The following FARSB variants were observed in gnomAD, a reference collection of about 807,000 sequenced individuals.
The protein encoded by FARSB is phenylalanyl-tRNA synthetase subunit beta.
FARSB carries 40 observed loss-of-function variants against 69.6 expected under a neutral mutation model. The ratio of observed to expected loss-of-function variants is 0.57; its 90% CI spans 0.45 to 0.75. The LOEUF is 0.75. FARSB is among the 30% of genes least tolerant of loss of function. The probability of loss-of-function intolerance (pLI) is 0.00; values close to 1 mark genes in which losing one functional copy is unlikely to be tolerated. For missense variants in FARSB, 632 were observed against 722.9 expected (o/e 0.87, Z 1.44); for synonymous variants, 235 against 247.2 (o/e 0.95, Z 0.46).
At chr2:222,650,569 C>T (rs1353145998) in intron 1 of FARSB, among the ~76,000 whole-genome samples, 1 of 152,078 alleles carries the variant, frequency 6.6e-6, no homozygotes, top group Non-Finnish European at 1.5e-5. Context: ...AAGATGACTC[C>T]CCGATCTCTG....
At chr2:222,641,075 TA>T (rs757997052) in intron 3 of FARSB, 144 bp from the exon 4 acceptor site, 13,464 of 267,650 alleles carry the variant, frequency 0.05, 1 homozygote, top group East Asian at 0.073. Context: ...GGCTGAACAC[TA>T]AAAAAAAAAA....
chr2:222,575,454 A>T lies in FARSB; in HGVS notation c.1619-3432T>A, dbSNP rs1436547155. Among the ~76,000 whole-genome samples the T allele has an allele frequency of 3.3e-5, 5 of 152,384 alleles. No individual in the cohort carries two copies. In the East Asian group the frequency reaches 9.6e-4, roughly 29 times the overall value. On this transcript the variant is annotated intron_variant, in intron 16 of 16. Coordinates refer to ENST00000281828, the MANE Select transcript of FARSB (RefSeq NM_005687.5). Reference sequence around the variant, plus strand: ...TGTGAAATGGGAATTCTAAAATTCAAATTCTATAAAGTACATTAGTTTTCT... The same window carrying T: ...TGTGAAATGGGAATTCTAAAATTCATATTCTATAAAGTACATTAGTTTTCT...
chr2:222,600,115 G>GT (rs1351369356), intron 15 of FARSB, 32 bp from the exon 16 acceptor site: 1 of 1,551,718 alleles, frequency 6.4e-7, no homozygotes, highest in Non-Finnish European at 8.7e-7. Flanking sequence ...TCACAACGCT[G>GT]TATTAACCAT....
chr2:222,621,762 A>T lies in FARSB; in HGVS notation c.1251+1888T>A, dbSNP rs185139809. ...TAGAAAGTCAGAGACTAGGCTTAAA[A>T]AAATGGCTGTTACTCTTGTGCAAAA... On this transcript the variant is annotated intron_variant, in intron 13 of 16. Transcript: ENST00000281828. Among the ~76,000 whole-genome samples, 599 of 152,370 alleles carry T rather than the reference A, an allele frequency of 3.9e-3. 5 individuals are homozygous for T. Among genetic ancestry groups the T allele is most frequent in the Middle Eastern group, 0.01 (3 of 294 alleles).
chr2:222,586,703 G>C (rs1354365977), intron 16 of FARSB, among the ~76,000 whole-genome samples: 2 of 152,126 alleles, frequency 1.3e-5, no homozygotes, highest in East Asian at 1.9e-4. Flanking sequence ...AGCAGGTTTT[G>C]CAATCCTAGT....
rs1431711935 is a variant in FARSB at position 222,570,403 on chromosome 2, TAC to T, written c.*1466_*1467del. 2 of 152,248 alleles carry T rather than the reference TAC, an allele frequency of 1.3e-5. No individual in the cohort carries two copies. Among genetic ancestry groups the T allele is most frequent in the Non-Finnish European group, 2.9e-5 (2 of 68,036 alleles). The allele number at this position is 152,248 out of a possible 1,614,324, so 9.4% of individuals were successfully genotyped here. A position where few individuals can be genotyped will look rare whatever the true frequency, so the allele number is the denominator to read the frequency against. On this transcript the variant is annotated 3_prime_UTR_variant, in exon 17 of 17. Transcript: ENST00000281828. ...TGGAAGTGTGTGTGTTCACAAATCT[TAC>T]AGAGTTAGACACTGCTGCCCCAATT... is the stretch of plus-strand genomic sequence containing the variant.
In FARSB at chr2:222,624,255, T is replaced by C. The variant is rs761761973; in HGVS notation, c.1170+17A>G. On this transcript the variant is annotated intron_variant, in intron 12 of 16. Coordinates refer to ENST00000281828, the MANE Select transcript of FARSB (RefSeq NM_005687.5). ...TTTCTAACAATAAGGAGTGTTTATT[T>C]AAGGGTGCAATCTTACTTGATTAGC... is the stretch of plus-strand genomic sequence containing the variant. 6 of 1,512,210 alleles carry C rather than the reference T, an allele frequency of 4.0e-6. No homozygotes were observed. Among genetic ancestry groups the C allele is most frequent in the Non-Finnish European group, 5.5e-6 (6 of 1,088,722 alleles). The allele number at this position is 1,512,210 out of a possible 1,614,324, so 93.7% of individuals were successfully genotyped here. A position where few individuals can be genotyped will look rare whatever the true frequency, so the allele number is the denominator to read the frequency against.
chr2:222,572,728 T>C (rs1197281073), intron 16 of FARSB, among the ~76,000 whole-genome samples: 1 of 152,186 alleles, frequency 6.6e-6, no homozygotes, highest in Non-Finnish European at 1.5e-5. Flanking sequence ...AGGCAGAAAG[T>C]TCTCTTTATC....
At chr2:222,615,617 C>T (rs1690976633) in intron 14 of FARSB, among the ~76,000 whole-genome samples, 1 of 152,186 alleles carries the variant, frequency 6.6e-6, no homozygotes, top group African/African-American at 2.4e-5. Flanking sequence ...CATGTGGCTT[C>T]CTTCCTTCCT....
At chr2:222,642,714 A>G (rs1691753045) in intron 3 of FARSB, 137 bp downstream of exon 3, 1 of 540,780 alleles carries the variant, frequency 1.8e-6, no homozygotes. Context: ...AATTCCTCAA[A>G]TCAACCCTCT....
At chr2:222,595,895 G>T (rs1320957512) in intron 16 of FARSB, among the ~76,000 whole-genome samples, 2 of 150,320 alleles carry the variant, frequency 1.3e-5, no homozygotes, top group Non-Finnish European at 3.0e-5. Context: ...AAAATGAAGG[G>T]GAAGAAGCCT....
intron 2 of FARSB, among the ~76,000 whole-genome samples, chr2:222,648,046 G>A (rs1158073627): frequency 3.3e-5 from 5 of 152,126 alleles, no homozygotes; most frequent in Non-Finnish European, 7.3e-5. Flanking sequence ...AGATGGATCA[G>A]AAACCCCGGC....
chr2:222,630,310 G>A, intron 8 of FARSB, 136 bp from the exon 9 acceptor site: 2 of 522,700 alleles, frequency 3.8e-6, no homozygotes, highest in South Asian at 5.7e-5. Flanking sequence ...GAAAGGAAGT[G>A]GAATAAAAAC....
intron 2 of FARSB, among the ~76,000 whole-genome samples, chr2:222,644,219 G>A (rs550687558): frequency 2.6e-5 from 4 of 152,204 alleles, no homozygotes; most frequent in South Asian, 4.2e-4. Context: ...TTCTGGCCAC[G>A]AGTATTATGT....
chr2:222,648,923 T>C (rs1228764816), intron 1 of FARSB, 128 bp from the exon 2 acceptor site: 3 of 720,344 alleles, frequency 4.2e-6, no homozygotes, highest in African/African-American at 3.5e-5. Flanking sequence ...AGGCATCACA[T>C]ATTATCATTT....
At chr2:222,620,146 T>C (rs1013519952) in intron 13 of FARSB, among the ~76,000 whole-genome samples, 54 of 152,168 alleles carry the variant, frequency 3.5e-4, no homozygotes, top group Non-Finnish European at 1.5e-4. Context: ...AAACCTTATG[T>C]TTCCCTACCT....
chr2:222,640,760 C>CAA, intron 4 of FARSB, 102 bp downstream of exon 4: 13 of 571,356 alleles, frequency 2.3e-5, no homozygotes, highest in East Asian at 7.1e-5. Flanking sequence ...TGTCTCAAAA[C>CAA]AAAAAAAAAA....
At chr2:222,655,890 C>A (rs1692161754) in intron 1 of FARSB, 126 bp downstream of exon 1, 3 of 742,794 alleles carry the variant, frequency 4.0e-6, no homozygotes, top group Non-Finnish European at 4.7e-6. Context: ...GGCCTTCCCG[C>A]GTAAACCCCG....
chr2:222,599,385 TAAACTCTCC>T (rs1000964580), intron 16 of FARSB, among the ~76,000 whole-genome samples: 5 of 152,252 alleles, frequency 3.3e-5, no homozygotes, highest in African/African-American at 1.2e-4. Context: ...TAGCCTAGCT[TAAACTCTCC>T]AACAAAGATT....
Sources: gnomAD v4.1 joint callset for allele counts (sites outside exome capture counted in the v4.1 genomes callset) on GRCh38, gnomAD v4.1.1 for gene constraint, MANE v1.5 for transcripts, NCBI Gene and HGNC (gene_info 2026-07-23, HGNC 2026-07-21) for gene names.